Variants in SCRG1 observed in about 807,000 individuals in gnomAD.
SCRG1 encodes stimulator of chondrogenesis 1.
Under a neutral mutation model 7.7 loss-of-function variants are expected in SCRG1, and 3 were observed. The ratio of observed to expected loss-of-function variants is 0.39; its 90% CI spans 0.18 to 1.01. SCRG1 has a LOEUF of 1.01. Among genes scored for constraint, SCRG1 ranks in the 50% least tolerant of loss-of-function variants. The pLI is 0.36. For synonymous variants in SCRG1, 46 were observed against 41.2 expected (o/e 1.12, Z -0.44); for missense variants, 110 against 117.2 (o/e 0.94, Z 0.28).
At chr4:173,480,126 C>A in the SCRG1 span, among the ~76,000 whole-genome samples, 1 of 152,104 alleles carries the variant, frequency 6.6e-6, no homozygotes, top group Admixed American at 6.6e-5. Flanking sequence ...TGTGAGCCAC[C>A]ATGCCTGGCT....
At chr4:173,485,871 G>A in the SCRG1 span, among the ~76,000 whole-genome samples, 708 of 152,204 alleles carry the variant, frequency 4.7e-3, 5 homozygotes, top group African/African-American at 0.016. Flanking sequence ...TCGCGAGGCT[G>A]AGGCATGAGC....
the SCRG1 span, among the ~76,000 whole-genome samples, chr4:173,516,180 G>A: frequency 6.6e-6 from 1 of 152,188 alleles, no homozygotes; most frequent in South Asian, 2.1e-4. Context: ...GTATCAATTA[G>A]CCGCTTCTGG....
At chr4:173,474,650 A>T in the SCRG1 span, among the ~76,000 whole-genome samples, 2 of 152,246 alleles carry the variant, frequency 1.3e-5, no homozygotes, top group Non-Finnish European at 2.9e-5. Context: ...GTCGGATGTC[A>T]TGAGAAGTTA....
chr4:173,423,603 A>T, the SCRG1 span, among the ~76,000 whole-genome samples: 1 of 152,042 alleles, frequency 6.6e-6, no homozygotes, highest in Non-Finnish European at 1.5e-5. Flanking sequence ...TTGTATCCTT[A>T]TTGTGAATAC....
chr4:173,412,869 A>T, the SCRG1 span, among the ~76,000 whole-genome samples: 1 of 152,188 alleles, frequency 6.6e-6, no homozygotes, highest in African/African-American at 2.4e-5. Flanking sequence ...CTCGCAGGTG[A>T]CTTGGATCTT....
chr4:173,418,121 G>A, the SCRG1 span, among the ~76,000 whole-genome samples: 3 of 152,238 alleles, frequency 2.0e-5, no homozygotes, highest in East Asian at 1.9e-4. Flanking sequence ...AGCTCAGTAA[G>A]GTCATATTGT....
chr4:173,392,849 G>A (rs951416781), intron 1 of SCRG1, among the ~76,000 whole-genome samples: 2 of 152,188 alleles, frequency 1.3e-5, no homozygotes, highest in Non-Finnish European at 2.9e-5. Context: ...CCAGCACTTT[G>A]GGAGGCCAAA....
chr4:173,423,068 A>G, the SCRG1 span, among the ~76,000 whole-genome samples: 1 of 152,184 alleles, frequency 6.6e-6, no homozygotes, highest in Non-Finnish European at 1.5e-5. Flanking sequence ...TTTCTCCATA[A>G]AATAATTGGG....
At chr4:173,424,924 A>AAAATAAAATAAAATAAAAT in the SCRG1 span, among the ~76,000 whole-genome samples, 1 of 151,968 alleles carries the variant, frequency 6.6e-6, no homozygotes, top group African/African-American at 2.4e-5. Flanking sequence ...AAAATAAAAT[A>AAAATAAAATAAAATAAAAT]AAACAAAACA....
At chr4:173,509,534 C>G in the SCRG1 span, among the ~76,000 whole-genome samples, 1 of 152,224 alleles carries the variant, frequency 6.6e-6, no homozygotes, top group South Asian at 2.1e-4. This position sits in a 1 kb window ranked among gnomAD's most constrained non-coding sequence, Gnocchi z 5.7. Context: ...CGCAGCCTCT[C>G]CCCAGGGCTG....
chr4:173,504,267 G>A, the SCRG1 span, among the ~76,000 whole-genome samples: 1 of 152,176 alleles, frequency 6.6e-6, no homozygotes, highest in Non-Finnish European at 1.5e-5. The surrounding 1 kb of genome is among the most constrained non-coding windows in gnomAD (Gnocchi z 4.7). Flanking sequence ...CACCAGGGAT[G>A]GCAAGGAGCC....
the SCRG1 span, among the ~76,000 whole-genome samples, chr4:173,478,924 T>C: frequency 6.6e-6 from 1 of 152,228 alleles, no homozygotes; most frequent in African/African-American, 2.4e-5. Context: ...CATTCATGTC[T>C]TTTGACCTGC....
At chr4:173,415,294 AG>A in the SCRG1 span, among the ~76,000 whole-genome samples, 1 of 152,232 alleles carries the variant, frequency 6.6e-6, no homozygotes, top group African/African-American at 2.4e-5. Flanking sequence ...TCTGTTGTGA[AG>A]TGAGGTTTCA....
the SCRG1 span, among the ~76,000 whole-genome samples, chr4:173,501,028 G>T: frequency 6.6e-6 from 1 of 152,220 alleles, no homozygotes; most frequent in African/African-American, 2.4e-5. This position sits in a 1 kb window ranked among gnomAD's most constrained non-coding sequence, Gnocchi z 5.1. Context: ...GCTCCCAGTG[G>T]CTGGGCAAGA....
At chr4:173,497,253 T>C in the SCRG1 span, among the ~76,000 whole-genome samples, 2 of 152,182 alleles carry the variant, frequency 1.3e-5, no homozygotes, top group Non-Finnish European at 2.9e-5. Context: ...CCATCCTTGC[T>C]CTATTCCTCT....
At chr4:173,452,070 G>A in the SCRG1 span, among the ~76,000 whole-genome samples, 5 of 151,848 alleles carry the variant, frequency 3.3e-5, no homozygotes, top group African/African-American at 1.2e-4. Flanking sequence ...ATTTCTAAGT[G>A]TTGATTGTCA....
the SCRG1 span, among the ~76,000 whole-genome samples, chr4:173,465,594 G>A: frequency 6.7e-6 from 1 of 149,912 alleles, no homozygotes; most frequent in African/African-American, 2.4e-5. Context: ...ATTTGGCCTA[G>A]GTGAGGGGAT....
chr4:173,483,900 A>ATATTTCATATAATATATGTTATATG, the SCRG1 span, among the ~76,000 whole-genome samples: 1 of 76,384 alleles, frequency 1.3e-5, no homozygotes, highest in Non-Finnish European at 2.2e-5. Flanking sequence ...TATGTTATAT[A>ATATTTCATATAATATATGTTATATG]TATTTCATAT....
the SCRG1 span, among the ~76,000 whole-genome samples, chr4:173,499,670 C>T: frequency 1.3e-5 from 2 of 152,206 alleles, no homozygotes; most frequent in Admixed American, 1.3e-4. The surrounding 1 kb of genome is among the most constrained non-coding windows in gnomAD (Gnocchi z 4.1). Context: ...TCTTCAAAGT[C>T]CTTTCCTAGG....
Sources: gnomAD v4.1 joint callset for allele counts (sites outside exome capture counted in the v4.1 genomes callset) on GRCh38, gnomAD v4.1.1 for gene constraint, Gnocchi (gnomAD v3.1) non-coding constraint, MANE v1.5 for transcripts, NCBI Gene and HGNC (gene_info 2026-07-23, HGNC 2026-07-21) for gene names.